The following TBC1D2B variants were observed in gnomAD, a reference collection of about 807,000 sequenced individuals.
TBC1D2B encodes the protein TBC1 domain family, member 2B.
Under a neutral mutation model 100.8 loss-of-function variants are expected in TBC1D2B, and 64 were observed. The ratio of observed to expected loss-of-function variants is 0.64; its 90% CI spans 0.52 to 0.78. The LOEUF (loss-of-function observed/expected upper bound fraction) is 0.78. TBC1D2B is among the 30% of genes least tolerant of loss of function. The pLI is 0.00. For synonymous variants in TBC1D2B, 480 were observed against 479.7 expected, an observed-to-expected ratio of 1.00 and a Z score of -0.01; for missense variants, 1,052 against 1,218.4, an observed-to-expected ratio of 0.86 and a Z score of 2.03.
intron 1 of TBC1D2B, among the ~76,000 whole-genome samples, chr15:78,056,520 G>A (rs78404806): frequency 1.7e-4 from 26 of 152,300 alleles, no homozygotes; most frequent in African/African-American, 6.3e-4. Flanking sequence ...AGTTTGGGAG[G>A]CAGGCTGGTT....
chr15:78,074,332 C>A (rs1201895003), intron 1 of TBC1D2B, among the ~76,000 whole-genome samples: 1 of 152,132 alleles, frequency 6.6e-6, no homozygotes, highest in African/African-American at 2.4e-5. Context: ...CTTCTCCTCC[C>A]TTCTTCCAGA....
intron 8 of TBC1D2B, among the ~76,000 whole-genome samples, chr15:78,016,162 G>T (rs1035305323): frequency 6.6e-6 from 1 of 152,138 alleles, no homozygotes; most frequent in Non-Finnish European, 1.5e-5. Context: ...AATATATGGG[G>T]GGTGTGTGTG....
intron 1 of TBC1D2B, among the ~76,000 whole-genome samples, chr15:78,055,916 G>GT (rs768939970): frequency 1.2e-4 from 18 of 152,188 alleles, no homozygotes; most frequent in Non-Finnish European, 2.5e-4. Flanking sequence ...CGGGGCTGGC[G>GT]TGACTGGAGA....
intron 1 of TBC1D2B, among the ~76,000 whole-genome samples, chr15:78,072,635 A>C (rs1396474470): frequency 6.6e-6 from 1 of 152,250 alleles, no homozygotes; most frequent in Non-Finnish European, 1.5e-5. Context: ...AAACCAGTAC[A>C]CATGTCTATT....
intron 4 of TBC1D2B, among the ~76,000 whole-genome samples, chr15:78,029,783 T>C (rs2072762453): frequency 6.6e-6 from 1 of 152,248 alleles, no homozygotes; most frequent in African/African-American, 2.4e-5. Context: ...AAGTCTGCTA[T>C]CTCCCTCAAA....
At chr15:78,074,242 C>T (rs1234968642) in intron 1 of TBC1D2B, among the ~76,000 whole-genome samples, 4 of 151,882 alleles carry the variant, frequency 2.6e-5, no homozygotes, top group South Asian at 2.1e-4. Context: ...AGGCTGGTCT[C>T]GAACTCCTGA....
intron 6 of TBC1D2B, among the ~76,000 whole-genome samples, chr15:78,020,625 G>T (rs1219094160): frequency 6.6e-6 from 1 of 152,182 alleles, no homozygotes. Context: ...GGTGATCTGG[G>T]TTTGAATCCA....
chr15:78,028,631 C>G (rs1222196844), intron 4 of TBC1D2B, among the ~76,000 whole-genome samples: 1 of 152,184 alleles, frequency 6.6e-6, no homozygotes, highest in Non-Finnish European at 1.5e-5. Context: ...GCTTCAGATG[C>G]GATACGATAG....
intron 1 of TBC1D2B, among the ~76,000 whole-genome samples, chr15:78,058,730 C>T (rs2073480341): frequency 6.6e-6 from 1 of 152,216 alleles, no homozygotes; most frequent in African/African-American, 2.4e-5. Context: ...CCCCCCACCC[C>T]TCAGAATGAC....
At position 78,012,879 on chromosome 15, in the gene TBC1D2B, G is replaced by C; in HGVS notation, c.2214C>G (p.Val738=). 2.6e-6 allele frequency: 4 copies of C among 1,521,042 alleles called. No homozygotes were observed. Among genetic ancestry groups the C allele is most frequent in the Non-Finnish European group, 3.5e-6 (4 of 1,134,974 alleles). The allele number at this position is 1,521,042 out of a possible 1,614,324, so 94.2% of individuals were successfully genotyped here. ...TSEGIQKLRN[V]LLAFSWRNPD... ...GATTCCGCCAGGAGAAGGCGAGGAGGACATTGCGTAACTTCTGTATGCCTT... is the reference window on the plus strand; with the variant it reads ...GATTCCGCCAGGAGAAGGCGAGGAGCACATTGCGTAACTTCTGTATGCCTT... Residue 738 remains valine, a synonymous_variant, in exon 9 of 13, where the codon GTC becomes GTG. Coordinates refer to ENST00000300584, the MANE Select transcript of TBC1D2B (RefSeq NM_144572.2).
intron 11 of TBC1D2B, 149 bp from the exon 12 acceptor site, chr15:78,001,889 G>T (rs1307589200): frequency 3.6e-6 from 3 of 837,450 alleles, no homozygotes; most frequent in Non-Finnish European, 5.2e-6. Context: ...GACCTGAGGG[G>T]CAATTTTCAC....
chr15:78,029,019 T>A lies in TBC1D2B; in HGVS notation c.847+988A>T, dbSNP rs79513277. ...TAAGGAATTAAATAATACTAAGGAT[T>A]TATTGTAACTGTAAATATAATAAAG... On this transcript the variant is annotated intron_variant, in intron 4 of 12. Coordinates refer to ENST00000300584, the MANE Select transcript of TBC1D2B (RefSeq NM_144572.2). 4.6e-3 allele frequency among the ~76,000 whole-genome samples: 707 copies of A among 152,278 alleles called. 8 individuals carry two copies. Among genetic ancestry groups the A allele is most frequent in the African/African-American group, 0.016 (666 of 41,538 alleles).
intron 1 of TBC1D2B, among the ~76,000 whole-genome samples, chr15:78,062,075 GGACA>G (rs2073557808): frequency 6.6e-6 from 1 of 152,178 alleles, no homozygotes; most frequent in Non-Finnish European, 1.5e-5. Flanking sequence ...AAAGCTAGAA[GGACA>G]GACACTTCAA....
At chr15:78,047,551 A>G (rs1487900805) in intron 2 of TBC1D2B, among the ~76,000 whole-genome samples, 1 of 152,184 alleles carries the variant, frequency 6.6e-6, no homozygotes, top group Non-Finnish European at 1.5e-5. Context: ...GCTCAGCTTC[A>G]TCCTCAGCAG....
At chr15:78,004,669 C>G (rs2072019378) in intron 10 of TBC1D2B, among the ~76,000 whole-genome samples, 1 of 152,208 alleles carries the variant, frequency 6.6e-6, no homozygotes, top group African/African-American at 2.4e-5. Context: ...TAATTCTAAT[C>G]AATTGGACAA....
chr15:78,011,374 T>C (rs1396846069), intron 9 of TBC1D2B, among the ~76,000 whole-genome samples: 3 of 151,974 alleles, frequency 2.0e-5, no homozygotes, highest in African/African-American at 7.3e-5. Flanking sequence ...TGGGCAGCCA[T>C]AACAAACGTC....
At chr15:78,018,828 T>TA (rs1204163241) in intron 6 of TBC1D2B, among the ~76,000 whole-genome samples, 5 of 152,152 alleles carry the variant, frequency 3.3e-5, no homozygotes, top group South Asian at 2.1e-4. Context: ...TTCCTAATAA[T>TA]AAAAACAATG....
intron 9 of TBC1D2B, among the ~76,000 whole-genome samples, chr15:78,011,178 G>A (rs1233036798): frequency 6.6e-6 from 1 of 152,188 alleles, no homozygotes; most frequent in Non-Finnish European, 1.5e-5. Flanking sequence ...GGCACATAGA[G>A]AGGCTGCCCT....
Position 78,025,392 on chromosome 15 carries a change from C to A in TBC1D2B, c.953G>T (p.Gly318Val). 6.2e-7 allele frequency: 1 copy of A among 1,613,982 alleles called. No homozygotes were observed. The highest frequency in any genetic ancestry group is 1.3e-5 in the African/African-American group (1 of 75,046). The stretch of plus-strand genomic sequence containing the variant: ...TGATGTGCCTTCACTTGAAGGGTCA[C>A]CACTGCTGTGACGATTTTTGTACGA... ...IGSYKNRHSS[G>V]DPSSEGTSGS... Residue 318 changes from glycine (G) to valine (V), a missense_variant, in exon 5 of 13, where the codon GGT (glycine) becomes GTT (valine). This residue lies in a region of TBC1D2B where 627 missense variants were observed against 646.1 expected (regional missense o/e 0.97). Transcript: ENST00000300584.
Sources: allele counts gnomAD v4.1 joint callset (sites outside exome capture counted in the v4.1 genomes callset), GRCh38; gene constraint gnomAD v4.1.1; regional missense constraint gnomAD v4.1.1; transcripts MANE v1.5; gene names NCBI Gene and HGNC (gene_info 2026-07-23, HGNC 2026-07-21).